The following RGS6 variants were observed in gnomAD, a reference collection of about 807,000 sequenced individuals.
RGS6 encodes regulator of G-protein signaling 6.
Under a neutral mutation model 78.5 loss-of-function variants are expected in RGS6, and 30 were observed. That is an observed-to-expected ratio of 0.38 (90% CI 0.29 to 0.52). The LOEUF is 0.52. Ranked by LOEUF, RGS6 falls within the 20% of genes least tolerant of loss-of-function variation. RGS6 has a pLI of 0.85. For missense variants in RGS6, 495 were observed against 609.7 expected, an observed-to-expected ratio of 0.81 and a Z score of 1.98; for synonymous variants, 206 against 206.0, an observed-to-expected ratio of 1.00 and a Z score of 0.00.
chr14:71,926,585 G>GAAAAAAAAAAAAAA, the RGS6 span, among the ~76,000 whole-genome samples: 61 of 51,230 alleles, frequency 1.2e-3, 3 homozygotes, highest in African/African-American at 3.2e-3. Context: ...CTCTGTCTCA[G>GAAAAAAAAAAAAAA]AAAAAAAAAA....
chr14:72,384,933 G>T (rs1172911459), intron 3 of RGS6, among the ~76,000 whole-genome samples: 5 of 152,020 alleles, frequency 3.3e-5, no homozygotes, highest in African/African-American at 1.2e-4. Context: ...GTATTTTTTA[G>T]TAGAGATGGG....
At chr14:72,130,323 A>G (rs2096287493) in intron 2 of RGS6, among the ~76,000 whole-genome samples, 1 of 152,170 alleles carries the variant, frequency 6.6e-6, no homozygotes, top group African/African-American at 2.4e-5. Flanking sequence ...AGAGTGAACA[A>G]TGCAGGCTTC....
intron 17 of RGS6, among the ~76,000 whole-genome samples, chr14:72,554,957 G>C (rs114982591): frequency 0.025 from 3,777 of 152,266 alleles, 140 homozygotes; most frequent in African/African-American, 0.086. Context: ...GGGGGCCATG[G>C]AGAAAGGTCC....
intron 2 of RGS6, among the ~76,000 whole-genome samples, chr14:71,994,660 T>A (rs2095116580): frequency 6.6e-6 from 1 of 151,860 alleles, no homozygotes; most frequent in African/African-American, 2.4e-5. Flanking sequence ...CTAATCCAAT[T>A]TGGCCGTCAC....
At chr14:72,022,970 A>G (rs1410701843) in intron 2 of RGS6, among the ~76,000 whole-genome samples, 1 of 152,120 alleles carries the variant, frequency 6.6e-6, no homozygotes, top group Non-Finnish European at 1.5e-5. Flanking sequence ...TTCATGCCCC[A>G]GCTCAGACTC....
chr14:72,629,483 G>T, the RGS6 span: 1 of 680,932 alleles, frequency 1.5e-6, no homozygotes, highest in Non-Finnish European at 2.5e-6. Context: ...AGCCCTCAAG[G>T]GCTAATGGCC....
chr14:72,437,949 A>G (rs1242890845), intron 3 of RGS6, among the ~76,000 whole-genome samples: 4 of 152,224 alleles, frequency 2.6e-5, no homozygotes, highest in Admixed American at 2.0e-4. Context: ...TCAGAAGAGA[A>G]CACAGACATT....
the RGS6 span, among the ~76,000 whole-genome samples, chr14:71,894,954 G>A: frequency 6.6e-6 from 1 of 151,922 alleles, no homozygotes; most frequent in Non-Finnish European, 1.5e-5. Flanking sequence ...AGTAGAGACA[G>A]GGTTTCTCCA....
chr14:72,248,361 G>T (rs1279715168), intron 2 of RGS6, among the ~76,000 whole-genome samples: 1 of 152,114 alleles, frequency 6.6e-6, no homozygotes, highest in Non-Finnish European at 1.5e-5. Context: ...GGAGTTTTTT[G>T]TTTGGGAAAA....
the RGS6 span, among the ~76,000 whole-genome samples, chr14:72,591,198 G>A: frequency 9.9e-5 from 15 of 151,848 alleles, no homozygotes; most frequent in Non-Finnish European, 1.5e-4. Context: ...TTATAAACAC[G>A]AAAACCCGTT....
At chr14:72,158,737 T>G (rs947262640) in intron 2 of RGS6, among the ~76,000 whole-genome samples, 2 of 152,216 alleles carry the variant, frequency 1.3e-5, no homozygotes, top group Admixed American at 6.5e-5. Context: ...ACTGGATGAA[T>G]TCATTTACCA....
intron 2 of RGS6, among the ~76,000 whole-genome samples, chr14:72,017,473 G>T (rs569504872): frequency 6.6e-5 from 10 of 151,974 alleles, no homozygotes; most frequent in African/African-American, 2.4e-4. Context: ...ACCTGTTTTT[G>T]TTAATAAAGT....
intron 2 of RGS6, among the ~76,000 whole-genome samples, chr14:72,309,946 T>G (rs2068144955): frequency 6.6e-6 from 1 of 152,230 alleles, no homozygotes. Context: ...CCACATCTCT[T>G]TCTCTTTTCC....
chr14:72,540,219 C>G (rs2097305848), intron 17 of RGS6, 125 bp downstream of exon 17: 1 of 1,510,060 alleles, frequency 6.6e-7, no homozygotes, highest in Non-Finnish European at 8.9e-7. Context: ...CCAGTGCTTT[C>G]TCCCTCGACT....
intron 3 of RGS6, among the ~76,000 whole-genome samples, chr14:72,452,224 T>TTCTCTCTCTCTC (rs56308165): frequency 4.5e-4 from 67 of 148,052 alleles, no homozygotes; most frequent in African/African-American, 1.1e-3. Context: ...CACATATTCA[T>TTCTCTCTCTCTC]TCTCTCTCTC....
chr14:72,269,342 A>G (rs1398496563), intron 2 of RGS6, among the ~76,000 whole-genome samples: 3 of 152,120 alleles, frequency 2.0e-5, no homozygotes, highest in African/African-American at 4.8e-5. Context: ...AAGTCCTTAG[A>G]GTACTGCAGT....
At chr14:72,221,948 G>A (rs1465187726) in intron 2 of RGS6, among the ~76,000 whole-genome samples, 1 of 152,140 alleles carries the variant, frequency 6.6e-6, no homozygotes. Flanking sequence ...ATGTGAAATA[G>A]GTGAGTAACA....
chr14:72,476,536 G>A (rs2096247282), intron 10 of RGS6, among the ~76,000 whole-genome samples: 1 of 152,214 alleles, frequency 6.6e-6, no homozygotes, highest in Non-Finnish European at 1.5e-5. Context: ...ATAAAAGATA[G>A]GATTTGGGTT....
intron 2 of RGS6, among the ~76,000 whole-genome samples, chr14:72,240,146 C>T (rs144539895): frequency 1.7e-4 from 26 of 152,296 alleles, no homozygotes; most frequent in African/African-American, 3.4e-4. Flanking sequence ...CACCCTCTAA[C>T]GGTGGCATTT....
Sources: gnomAD v4.1 joint callset for allele counts (sites outside exome capture counted in the v4.1 genomes callset) on GRCh38, gnomAD v4.1.1 for gene constraint, MANE v1.5 for transcripts, NCBI Gene and HGNC (gene_info 2026-07-23, HGNC 2026-07-21) for gene names.